The following VPS52 variants were observed in gnomAD, a reference collection of about 807,000 sequenced individuals.
VPS52 encodes the protein vacuolar protein sorting-associated protein 52 homolog.
A neutral mutation model predicts 98.7 loss-of-function variants in VPS52; 56 were observed. The observed-to-expected ratio is 0.57, with a 90% CI of 0.46 to 0.71. The LOEUF (loss-of-function observed/expected upper bound fraction) is 0.71. VPS52 is among the 30% of genes least tolerant of loss of function. The probability of loss-of-function intolerance (pLI) is 0.00; values close to 1 mark genes in which losing one functional copy is unlikely to be tolerated. For synonymous variants in VPS52, 348 were observed against 346.4 expected (o/e 1.00, Z -0.05); for missense variants, 742 against 925.9 (o/e 0.80, Z 2.58).
intron 17 of VPS52, among the ~76,000 whole-genome samples, chr6:33,261,566 A>G (rs1478483218): frequency 6.6e-6 from 1 of 152,166 alleles, no homozygotes; most frequent in Non-Finnish European, 1.5e-5. Flanking sequence ...CTCTCGCCAC[A>G]TATGAAAACC....
chr6:33,268,709 ACC>A lies in VPS52; in HGVS notation c.549-62_549-61del. On this transcript the variant is annotated intron_variant, in intron 6 of 19. Transcript: ENST00000445902. The surrounding 1 kb of genome is among the most constrained non-coding windows in gnomAD (Gnocchi z 4.0). ...GGAGACCCAGACATCCCTAAACCAG[ACC>A]CAGACCACACTCCTTACCTCCAGCC... The A allele has an allele frequency of 4.6e-6, 7 of 1,528,250 alleles. No homozygotes were observed. The highest frequency in any genetic ancestry group is 6.1e-6 in the Non-Finnish European group (7 of 1,141,444). 94.7% of individuals were successfully genotyped at this position (1,528,250 alleles called of 1,614,324 possible). A position where few individuals can be genotyped will look rare whatever the true frequency, so the allele number is the denominator to read the frequency against.
At chr6:33,270,887 C>T (rs562465100) in intron 1 of VPS52, among the ~76,000 whole-genome samples, 2 of 143,130 alleles carry the variant, frequency 1.4e-5, no homozygotes, top group South Asian at 4.3e-4. Context: ...GAAGGTGGAG[C>T]TTGCAGTGAG....
intron 17 of VPS52, among the ~76,000 whole-genome samples, chr6:33,258,352 C>T (rs1763237737): frequency 7.1e-6 from 1 of 141,048 alleles, no homozygotes; most frequent in African/African-American, 2.7e-5. Context: ...CACCATTGCA[C>T]TCCAGCCTCG....
chr6:33,266,841 T>G (rs1052402214), intron 11 of VPS52, 129 bp from the exon 12 acceptor site: 1 of 1,249,960 alleles, frequency 8.0e-7, no homozygotes, highest in Admixed American at 2.8e-5. Flanking sequence ...TCTATCTAGG[T>G]CCGGGCTGTC....
At position 33,251,866 on chromosome 6, in the gene VPS52, C is replaced by A; in HGVS notation, c.1900G>T (p.Glu634Ter). ...TACCATATTTTCCTCATACCTTCTT[C>A]CCCTCGAAGTCGCTCAGCCTGTCCA... ...ERGQAERLRG[E>*]EARVTQLIRG... The change falls in exon 18 of 20, where the codon GAA becomes TAA. Residue 634 changes from glutamate to a stop codon, truncating the protein, a stop_gained. Transcript: ENST00000445902. LOFTEE classifies it high-confidence loss of function. 1 of 1,613,540 alleles carries A rather than the reference C, an allele frequency of 6.2e-7. No individual in the cohort carries two copies. The highest frequency in any genetic ancestry group is 8.5e-7 in the Non-Finnish European group (1 of 1,180,028).
intron 1 of VPS52, among the ~76,000 whole-genome samples, chr6:33,270,521 G>A (rs1764890319): frequency 6.6e-6 from 1 of 152,156 alleles, no homozygotes; most frequent in Non-Finnish European, 1.5e-5. Flanking sequence ...GCCCAGCATG[G>A]TGGTGGGCTC....
At chr6:33,270,735 G>A (rs1235889167) in intron 1 of VPS52, among the ~76,000 whole-genome samples, 2 of 152,152 alleles carry the variant, frequency 1.3e-5, no homozygotes, top group Non-Finnish European at 2.9e-5. Context: ...AAGATCACGA[G>A]GTCAGGAGAT....
At chr6:33,265,839 T>C (rs558884119) in intron 12 of VPS52, among the ~76,000 whole-genome samples, 69 of 135,380 alleles carry the variant, frequency 5.1e-4, no homozygotes, top group Admixed American at 1.2e-3. Flanking sequence ...GAGGATTTCA[T>C]GGGGGAGTAA....
intron 17 of VPS52, among the ~76,000 whole-genome samples, chr6:33,255,717 C>T (rs551550947): frequency 2.7e-5 from 4 of 150,642 alleles, no homozygotes; most frequent in South Asian, 2.1e-4. Context: ...GGCATGAACC[C>T]GGGAGGCGGA....
Position 33,255,794 on chromosome 6 carries a change from T to TAA in VPS52, c.1795-3825_1795-3824dup, listed in dbSNP as rs35038222. ...CTGGGAGACAGAGGGAGACTCTGTC[T>TAA]AAAAAAAAAAAAAAAAAAAAGAAAT... On this transcript the variant is annotated intron_variant, in intron 17 of 19. Transcript: ENST00000445902. Among the ~76,000 whole-genome samples the TAA allele has an allele frequency of 5.4e-4, 53 of 97,950 alleles. 1 individual carries two copies. Among genetic ancestry groups the TAA allele is most frequent in the South Asian group, 4.4e-3 (14 of 3,166 alleles). The allele number at this position is 97,950 out of a possible 152,430, so 64.3% of individuals were successfully genotyped here. A position where few individuals can be genotyped will look rare whatever the true frequency, so the allele number is the denominator to read the frequency against.
At position 33,271,708 on chromosome 6, in the gene VPS52, C is replaced by T. The variant is rs41266725; in HGVS notation, c.-33G>A. Reference sequence around the variant, plus strand: ...AGCCTCACTTCCGGCAACTGTCAGTCCCGGCGAGTCCGTTCCCCGGAGTGG... The same window carrying T: ...AGCCTCACTTCCGGCAACTGTCAGTTCCGGCGAGTCCGTTCCCCGGAGTGG... On this transcript the variant is annotated 5_prime_UTR_variant, in exon 1 of 20. Coordinates refer to ENST00000445902, the MANE Select transcript of VPS52 (RefSeq NM_022553.6). 2 of 1,581,168 alleles carry T rather than the reference C, an allele frequency of 1.3e-6. No individual in the cohort carries two copies. The highest frequency in any genetic ancestry group is 1.4e-5 in the African/African-American group (1 of 73,850).
At chr6:33,253,393 G>A (rs1193720190) in intron 17 of VPS52, among the ~76,000 whole-genome samples, 7 of 151,806 alleles carry the variant, frequency 4.6e-5, no homozygotes, top group Admixed American at 3.3e-4. Flanking sequence ...AGGAGACTGA[G>A]GCAGGAGAAT....
At chr6:33,271,206 T>C in intron 1 of VPS52, 1 of 595,204 alleles carries the variant, frequency 1.7e-6, no homozygotes, top group Non-Finnish European at 3.0e-6. Flanking sequence ...AGGTTCTATC[T>C]TCCTCACCTT....
In VPS52 at chr6:33,268,320, CT is replaced by C; in HGVS notation, c.700-113del. 1 of 1,353,840 alleles carries C rather than the reference CT, an allele frequency of 7.4e-7. No individual in the cohort carries two copies. The highest frequency in any genetic ancestry group is 1.0e-6 in the Non-Finnish European group (1 of 968,504). The allele number at this position is 1,353,840 out of a possible 1,614,324, so 83.9% of individuals were successfully genotyped here. A position where few individuals can be genotyped will look rare whatever the true frequency, so the allele number is the denominator to read the frequency against. On this transcript the variant is annotated intron_variant, in intron 7 of 19. Coordinates refer to ENST00000445902, the MANE Select transcript of VPS52 (RefSeq NM_022553.6). The surrounding 1 kb of genome is among the most constrained non-coding windows in gnomAD (Gnocchi z 4.0). ...ATAGGCAGAAGGGTGGTGAATATCT[CT>C]TTGGTATTTCTCAAGATTTTCAGGG... is the stretch of plus-strand genomic sequence containing the variant.
intron 17 of VPS52, 89 bp downstream of exon 17, chr6:33,263,395 A>ACACACACACACACACT (rs1763874497): frequency 8.5e-7 from 1 of 1,178,414 alleles, no homozygotes; most frequent in Non-Finnish European, 1.2e-6. Context: ...ACACACACAC[A>ACACACACACACACACT]CACACACACA....
Position 33,264,052 on chromosome 6 carries a change from T to A in VPS52, c.1576A>T (p.Thr526Ser), listed in dbSNP as rs1184578802. The A allele has an allele frequency of 9.3e-6, 15 of 1,614,090 alleles. No individual in the cohort carries two copies. Among genetic ancestry groups the A allele is most frequent in the Non-Finnish European group, 9.3e-6 (11 of 1,180,044 alleles). ...FSSALVSINQ[T>S]IPNERTMQLL... ...TGCATGGTCCGTTCATTAGGAATTG[T>A]CTGGTTGATACTGACAAGAGCGGAG... The change falls in exon 15 of 20, where the codon ACA (threonine) becomes TCA (serine). Residue 526 changes from threonine to serine, a missense_variant. Around this residue, in one of 2 missense-constraint regions of VPS52, gnomAD observed 590 missense variants for 793.3 expected, o/e 0.74. Coordinates refer to ENST00000445902, the MANE Select transcript of VPS52 (RefSeq NM_022553.6).
At position 33,251,591 on chromosome 6, in the gene VPS52, G is replaced by T; in HGVS notation, c.1952C>A (p.Ser651Ter). ...LIRGFGSSWK[S>*]SVESLSQDVM... ...ATCCTGACTCAGAGATTCCACTGAT[G>T]ATTTCCAGGAACTACCAAAGCCACG... The change falls in exon 19 of 20, where the codon TCA (serine) becomes TAA (stop). Residue 651 changes from serine (S) to a stop codon, truncating the protein, a stop_gained. Transcript: ENST00000445902. LOFTEE classifies it high-confidence loss of function. The T allele has an allele frequency of 1.9e-6, 3 of 1,614,064 alleles. No individual in the cohort carries two copies. Among genetic ancestry groups the T allele is most frequent in the Non-Finnish European group, 8.5e-7 (1 of 1,179,994 alleles).
chr6:33,251,777 C>T, intron 18 of VPS52, 83 bp downstream of exon 18: 1 of 1,475,604 alleles, frequency 6.8e-7, no homozygotes, highest in Non-Finnish European at 9.5e-7. Flanking sequence ...ACTCTATTCC[C>T]CCACCATGTA....
Position 33,266,585 on chromosome 6 carries a change from A to G in VPS52, c.1253T>C (p.Val418Ala). 6.2e-7 allele frequency: 1 copy of G among 1,612,180 alleles called. No individual in the cohort carries two copies. Among genetic ancestry groups the G allele is most frequent in the Non-Finnish European group, 8.5e-7 (1 of 1,179,506 alleles). The change falls in exon 12 of 20, where the codon GTC becomes GCC. Residue 418 changes from valine to alanine, a missense_variant. By Grantham distance (64) the Val-to-Ala change is moderately conservative (BLOSUM62 0). Around this residue, in one of 2 missense-constraint regions of VPS52, gnomAD observed 590 missense variants for 793.3 expected, o/e 0.74. Coordinates refer to ENST00000445902, the MANE Select transcript of VPS52 (RefSeq NM_022553.6). Reference protein sequence around the residue: ...GPAAHDLFHAVMGRTLSMTLK... With the variant: ...GPAAHDLFHAAMGRTLSMTLK... ...GGTCATGCTGAGTGTACGGCCCATG[A>G]CAGCATGGAACAGGTCGTGTGCAGC...
Sources: allele counts gnomAD v4.1 joint callset (sites outside exome capture counted in the v4.1 genomes callset), GRCh38; gene constraint gnomAD v4.1.1; regional missense constraint gnomAD v4.1.1; non-coding constraint Gnocchi (gnomAD v3.1); transcripts MANE v1.5; gene names NCBI Gene and HGNC (gene_info 2026-07-23, HGNC 2026-07-21).